The following CLDN14 variants were observed in gnomAD, a reference collection of about 807,000 sequenced individuals.
CLDN14 encodes claudin 14, also known as claudin-14.
A neutral mutation model predicts 2.1 loss-of-function variants in CLDN14; 2 were observed. The observed-to-expected ratio is 0.96, with a 90% CI of 0.39 to 3.01. CLDN14 has a LOEUF of 3.01. Ranked by LOEUF, CLDN14 falls within the 30% of genes most tolerant of loss-of-function variation. The pLI, the probability that CLDN14 is intolerant of heterozygous loss-of-function variation, is 0.09. For missense variants in CLDN14, 298 were observed against 328.0 expected, an observed-to-expected ratio of 0.91 and a Z score of 0.71; for synonymous variants, 136 against 154.4, an observed-to-expected ratio of 0.88 and a Z score of 0.88.
intron 1 of CLDN14, among the ~76,000 whole-genome samples, chr21:36,556,057 C>T (rs1017047514): frequency 1.3e-5 from 2 of 152,086 alleles, no homozygotes; most frequent in African/African-American, 4.8e-5. Flanking sequence ...CTCAGGGGCC[C>T]AAGCTATTGG....
At chr21:36,480,131 A>G (rs2086829384), upstream of CLDN14, 1 of 152,068 alleles carries the variant, frequency 6.6e-6, no homozygotes, top group Non-Finnish European at 1.5e-5. Flanking sequence ...CTATTGAGTA[A>G]CTCAGCTTCT....
intron 1 of CLDN14, among the ~76,000 whole-genome samples, chr21:36,554,374 A>T (rs2087583933): frequency 6.6e-6 from 1 of 152,148 alleles, no homozygotes; most frequent in Admixed American, 6.5e-5. Context: ...GTCTCAAAAG[A>T]AGGGCTTGTC....
At chr21:36,525,749 C>T (rs2087322318) in intron 1 of CLDN14, among the ~76,000 whole-genome samples, 1 of 152,190 alleles carries the variant, frequency 6.6e-6, no homozygotes, top group Non-Finnish European at 1.5e-5. Context: ...GCACCACCAA[C>T]CACACTCTGA....
intron 1 of CLDN14, among the ~76,000 whole-genome samples, chr21:36,514,899 C>G (rs543611262): frequency 6.6e-6 from 1 of 152,020 alleles, no homozygotes; most frequent in African/African-American, 2.4e-5. Context: ...AAAACCCAGC[C>G]CCGGGTCTTC....
intron 1 of CLDN14, among the ~76,000 whole-genome samples, chr21:36,515,976 C>T (rs200501133): frequency 7.3e-5 from 11 of 151,724 alleles, no homozygotes; most frequent in South Asian, 4.2e-4. Flanking sequence ...TTAGTAGAGA[C>T]GGGGTTTCAC....
At chr21:36,506,428 C>G (rs531388967) in intron 2 of CLDN14, among the ~76,000 whole-genome samples, 1 of 152,100 alleles carries the variant, frequency 6.6e-6, no homozygotes, top group Non-Finnish European at 1.5e-5. Context: ...AAAGCCCCAT[C>G]TGTACTAAAA....
intron 2 of CLDN14, among the ~76,000 whole-genome samples, chr21:36,485,502 C>G (rs1010147850): frequency 6.6e-6 from 1 of 152,228 alleles, no homozygotes. Flanking sequence ...AGCCACTGTG[C>G]CTGGCCAAGG....
chr21:36,571,722 T>C (rs1032407402), intron 1 of CLDN14, among the ~76,000 whole-genome samples: 1 of 152,136 alleles, frequency 6.6e-6, no homozygotes, highest in Non-Finnish European at 1.5e-5. Flanking sequence ...TACCTCCAAG[T>C]GCCCGGATTG....
At chr21:36,524,376 A>C (rs11088354) in intron 1 of CLDN14, among the ~76,000 whole-genome samples, 125,254 of 152,146 alleles carry the variant, frequency 0.82, 52,070 homozygotes, top group Middle Eastern at 0.91. Flanking sequence ...CCTGTCTTGG[A>C]CTCCCAAAGT....
At chr21:36,528,928 G>A (rs1010648265) in intron 1 of CLDN14, among the ~76,000 whole-genome samples, 5 of 152,200 alleles carry the variant, frequency 3.3e-5, no homozygotes, top group Admixed American at 2.6e-4. Flanking sequence ...ACGCGAGCTC[G>A]GCTGCGGCTG....
chr21:36,507,295 T>C, intron 2 of CLDN14, among the ~76,000 whole-genome samples: 1 of 152,124 alleles, frequency 6.6e-6, no homozygotes. Flanking sequence ...GTATATCTTT[T>C]AGTGATGAGC....
At chr21:36,574,522 A>G (rs2087728707) in intron 1 of CLDN14, among the ~76,000 whole-genome samples, 1 of 152,228 alleles carries the variant, frequency 6.6e-6, no homozygotes, top group Admixed American at 6.5e-5. Context: ...TATATGTATA[A>G]ATATCTACAT....
rs1347593044 is a variant in CLDN14, at chr21:36,551,859, A to AG, written c.-220+24551dup. Among the ~76,000 whole-genome samples the AG allele has an allele frequency of 6.6e-6, 1 of 152,216 alleles. No individual in the cohort carries two copies. The highest frequency in any genetic ancestry group is 6.5e-5 in the Admixed American group (1 of 15,276). On this transcript the variant is annotated intron_variant, in intron 1 of 2. Coordinates refer to the CLDN14 transcript ENST00000342108. The surrounding 1 kb of genome is among the most constrained non-coding windows in gnomAD (Gnocchi z 4.8). The stretch of plus-strand genomic sequence containing the variant: ...GTCCTGTCGGTCGAGAGGAGAGTGC[A>AG]GCATGACCCAACAGCCCTGCTGCTC...
intron 1 of CLDN14, among the ~76,000 whole-genome samples, chr21:36,559,490 G>A (rs758839155): frequency 8.5e-5 from 13 of 152,134 alleles, no homozygotes; most frequent in African/African-American, 9.7e-5. Flanking sequence ...AGCCACCCAG[G>A]CTGGCTGAGA....
Position 36,461,509 on chromosome 21 carries a change from GGTAGAT to G in CLDN14, c.181_186del (p.Ile61_Tyr62del), listed in dbSNP as rs1225780661. On this transcript the variant is annotated inframe_deletion, in exon 2 of 2. Coordinates refer to ENST00000399135, the MANE Select transcript of CLDN14 (RefSeq NM_001146079.2). ...AGCAGGGATCGGTAGATCTGGCACT[GGTAGAT>G]GCCTGTGCTGTGCCACACACACTCC... 2.5e-6 allele frequency: 4 copies of G among 1,613,308 alleles called. No individual in the cohort carries two copies. The East Asian group carries it at 8.9e-5, about 36-fold the overall frequency.
intron 1 of CLDN14, among the ~76,000 whole-genome samples, chr21:36,527,930 C>T (rs955245671): frequency 6.6e-6 from 1 of 152,116 alleles, no homozygotes; most frequent in South Asian, 2.1e-4. Flanking sequence ...TTCCCAAAAG[C>T]ACCCATTTTG....
At chr21:36,569,790 T>A (rs940991575) in intron 1 of CLDN14, among the ~76,000 whole-genome samples, 1 of 152,124 alleles carries the variant, frequency 6.6e-6, no homozygotes, top group Non-Finnish European at 1.5e-5. Context: ...AATCACTGAG[T>A]GTGGGTAGCC....
chr21:36,483,500 G>T (rs1195637175), upstream of CLDN14, among the ~76,000 whole-genome samples: 1 of 152,186 alleles, frequency 6.6e-6, no homozygotes, highest in South Asian at 2.1e-4. Context: ...TAGAGGCCAC[G>T]TGAGGTCCAG....
intron 1 of CLDN14, among the ~76,000 whole-genome samples, chr21:36,554,309 TTTGA>T (rs2087583406): frequency 6.6e-6 from 1 of 152,164 alleles, no homozygotes. Context: ...TTCAAGGAAC[TTTGA>T]TTGTTTCCTG....
Sources: allele counts gnomAD v4.1 joint callset (sites outside exome capture counted in the v4.1 genomes callset), GRCh38; gene constraint gnomAD v4.1.1; non-coding constraint Gnocchi (gnomAD v3.1); transcripts MANE v1.5; gene names NCBI Gene and HGNC (gene_info 2026-07-23, HGNC 2026-07-21).